The following TM7SF2 variants were observed in gnomAD, a reference collection of about 807,000 sequenced individuals.
The protein encoded by TM7SF2 is delta(14)-sterol reductase TM7SF2.
In TM7SF2, 51 loss-of-function variants were observed where a neutral mutation model predicts 51.0. The ratio of observed to expected loss-of-function variants is 1.00; its 90% CI spans 0.80 to 1.26. TM7SF2 has a LOEUF of 1.26. Ranked by LOEUF, TM7SF2 falls within the 50% of genes most tolerant of loss-of-function variation. The pLI is 0.00. For missense variants in TM7SF2, 541 were observed against 547.4 expected (o/e 0.99, Z 0.12); for synonymous variants, 255 against 241.0 (o/e 1.06, Z -0.54).
chr11:65,113,295 C>G lies in TM7SF2; in HGVS notation c.380C>G (p.Pro127Arg). 7 of 1,612,266 alleles carry G rather than the reference C, an allele frequency of 4.3e-6. No individual in the cohort carries two copies. The highest frequency in any genetic ancestry group is 5.9e-6 in the Non-Finnish European group (7 of 1,180,024). Reference sequence around the variant, plus strand: ...GCGGGGCTGCCTCTGGGGGCGCTCCCGGAAATGCTCCTGCCCTTGGCGTTT... The same window carrying G: ...GCGGGGCTGCCTCTGGGGGCGCTCCGGGAAATGCTCCTGCCCTTGGCGTTT... ...MSAGLPLGAL[P>R]EMLLPLAFVA... Residue 127 changes from proline (P) to arginine (R), a missense_variant, in exon 4 of 10, where the codon CCG becomes CGG. Coordinates refer to ENST00000279263, the MANE Select transcript of TM7SF2 (RefSeq NM_003273.6).
chr11:65,114,565 C>G lies in TM7SF2; in HGVS notation c.604-148C>G, dbSNP rs1440469834. ...GAAGAAACAGGCTGCGGGCACCTCCCTGTCCACAGTCTCTGTCCTTGGGTC... is the reference window on the plus strand; with the variant it reads ...GAAGAAACAGGCTGCGGGCACCTCCGTGTCCACAGTCTCTGTCCTTGGGTC... On this transcript the variant is annotated intron_variant, in intron 5 of 9. Transcript: ENST00000279263. 1.9e-5 allele frequency: 19 copies of G among 996,414 alleles called. No homozygotes were observed. The Admixed American group carries it at 5.3e-4, about 28-fold the overall frequency. 61.7% of individuals were successfully genotyped at this position (996,414 alleles called of 1,614,324 possible). A position where few individuals can be genotyped will look rare whatever the true frequency, so the allele number is the denominator to read the frequency against.
chr11:65,113,758 AAAAT>A (rs1947942751), intron 5 of TM7SF2, 164 bp downstream of exon 5: 3 of 657,914 alleles, frequency 4.6e-6, no homozygotes, highest in Non-Finnish European at 7.8e-6. Context: ...CTGGGAGACA[AAAAT>A]AAAGTTAGAG....
Position 65,111,970 on chromosome 11 carries a change from T to G in TM7SF2, c.-46T>G. The G allele has an allele frequency of 6.4e-7, 1 of 1,554,780 alleles. No homozygotes were observed. The highest frequency in any genetic ancestry group is 8.7e-7 in the Non-Finnish European group (1 of 1,147,036). On this transcript the variant is annotated 5_prime_UTR_variant, in exon 1 of 10. It removes the in-frame stop codon of an upstream open reading frame in the 5' UTR. Transcript: ENST00000279263. ...GGAAATGGGGCGGACAGTGTTTCCT[T>G]GACTGACTATTGTGAGCGCCCTCTC...
Position 65,112,701 on chromosome 11 carries a change from C to A in TM7SF2, c.239C>A (p.Pro80Gln). The part of the protein sequence containing the change: ...LGLQAALYLL[P>Q]ARKVAEGQEL... ...CTGCAGGCGGCGCTCTACCTACTGC[C>A]GGCGCGCAAGGTGCGGGCCCCGCTC... is the stretch of plus-strand genomic sequence containing the variant. The change falls in exon 2 of 10, where the codon CCG becomes CAG. Residue 80 changes from proline (P) to glutamine (Q), a missense_variant. Coordinates refer to ENST00000279263, the MANE Select transcript of TM7SF2 (RefSeq NM_003273.6). 6.5e-7 allele frequency: 1 copy of A among 1,545,094 alleles called. No homozygotes were observed. Among genetic ancestry groups the A allele is most frequent in the Non-Finnish European group, 8.7e-7 (1 of 1,145,652 alleles).
At position 65,113,416 on chromosome 11, in the gene TM7SF2, T is replaced by TA. The variant is rs1947937336; in HGVS notation, c.499+2_499+3insA. ...CCCTGGCACCTGGGGGGAACTCAGG[T>TA]GAGAGGGGTCCTGGGGTGGAGACGG... On this transcript the variant is annotated splice_region_variant and intron_variant, in intron 4 of 9. Coordinates refer to ENST00000279263, the MANE Select transcript of TM7SF2 (RefSeq NM_003273.6). 1 of 1,614,010 alleles carries TA rather than the reference T, an allele frequency of 6.2e-7. No homozygotes were observed. The highest frequency in any genetic ancestry group is 1.3e-5 in the African/African-American group (1 of 74,914).
At chr11:65,114,510 G>A (rs534002734) in intron 5 of TM7SF2, among the ~76,000 whole-genome samples, 11 of 152,370 alleles carry the variant, frequency 7.2e-5, no homozygotes, top group East Asian at 1.9e-4. Context: ...TGAAGCCTTA[G>A]CCCGAAAGGG....
chr11:65,114,868 G>A, intron 6 of TM7SF2, 36 bp downstream of exon 6: 3 of 1,614,192 alleles, frequency 1.9e-6, no homozygotes, highest in Non-Finnish European at 2.5e-6. Flanking sequence ...GTGTCTGAGG[G>A]CCGCATAGGG....
Position 65,115,591 on chromosome 11 carries a change from G to C in TM7SF2, c.1089G>C (p.Leu363Phe), listed in dbSNP as rs1476195842. 6.2e-7 allele frequency: 1 copy of C among 1,614,036 alleles called. No homozygotes were observed. Among genetic ancestry groups the C allele is most frequent in the Admixed American group, 1.7e-5 (1 of 60,022 alleles). ...GDLIMALAWS[L>F]PCGVSHLLPY... ...TCATCATGGCTCTGGCTTGGTCCTT[G>C]CCCTGCGGTGAGTGGCCCATGTGGA... The change falls in exon 9 of 10, where the codon TTG becomes TTC. Residue 363 changes from leucine to phenylalanine, a missense_variant. Coordinates refer to ENST00000279263, the MANE Select transcript of TM7SF2 (RefSeq NM_003273.6).
At position 65,113,511 on chromosome 11, in the gene TM7SF2, T is replaced by C. The variant is rs990420760; in HGVS notation, c.520T>C (p.Phe174Leu). 2 of 1,614,214 alleles carry C rather than the reference T, an allele frequency of 1.2e-6. No homozygotes were observed. The highest frequency in any genetic ancestry group is 1.7e-6 in the Non-Finnish European group (2 of 1,180,024). The change falls in exon 5 of 10, where the codon TTT (phenylalanine) becomes CTT (leucine). Residue 174 changes from phenylalanine (F) to leucine (L), a missense_variant. Physicochemically the swap from Phe to Leu is conservative, Grantham distance 22 (BLOSUM62 0). Coordinates refer to ENST00000279263, the MANE Select transcript of TM7SF2 (RefSeq NM_003273.6). ...GNSGNPIYDF[F>L]LGRELNPRIC... ...TCCAGGCAATCCGATTTACGACTTTTTTCTGGGACGAGAGCTCAACCCTCG... is the reference window on the plus strand; with the variant it reads ...TCCAGGCAATCCGATTTACGACTTTCTTCTGGGACGAGAGCTCAACCCTCG...
intron 7 of TM7SF2, 25 bp from the exon 8 acceptor site, chr11:65,115,289 C>T (rs1240181055): frequency 6.2e-7 from 1 of 1,612,192 alleles, no homozygotes; most frequent in Non-Finnish European, 8.5e-7. Context: ...TTGACCTTGA[C>T]CACCGGTTCA....
chr11:65,115,030 C>CA lies in TM7SF2; in HGVS notation c.842dup (p.His281GlnfsTer40). ...CCTGCAGGCCCAGTTCCTGCTGCAC[C>CA]ACCCGCAGCCCCTGGGGTTGCCCAT... On this transcript the variant is annotated frameshift_variant, in exon 7 of 10. Transcript: ENST00000279263. LOFTEE classifies it high-confidence loss of function. 6.2e-7 allele frequency: 1 copy of CA among 1,614,070 alleles called. No homozygotes were observed. The highest frequency in any genetic ancestry group is 1.3e-5 in the African/African-American group (1 of 75,052).
chr11:65,112,355 A>C, intron 1 of TM7SF2, 160 bp from the exon 2 acceptor site: 1 of 832,120 alleles, frequency 1.2e-6, no homozygotes, highest in Middle Eastern at 3.7e-4. Flanking sequence ...GGGAACTGGG[A>C]GGCAGCGGGG....
rs1023683629 is a variant in TM7SF2 at position 65,116,036 on chromosome 11, A to G, written c.1240A>G (p.Met414Val). The part of the protein sequence containing the change: ...EYCRRVPYRI[M>V]PYIY ...CTGCCGGCGTGTGCCTTACCGCATC[A>G]TGCCCTACATCTACTGAAGCGGCTC... Residue 414 changes from methionine (M) to valine (V), a missense_variant, in exon 10 of 10, where the codon ATG (methionine) becomes GTG (valine). Transcript: ENST00000279263. 4 of 1,608,354 alleles carry G rather than the reference A, an allele frequency of 2.5e-6. No homozygotes were observed. Among genetic ancestry groups the G allele is most frequent in the Non-Finnish European group, 3.4e-6 (4 of 1,179,392 alleles).
At chr11:65,113,844 T>C in intron 5 of TM7SF2, 1 of 544,346 alleles carries the variant, frequency 1.8e-6, no homozygotes, top group Non-Finnish European at 3.3e-6. Context: ...GTAAAATATA[T>C]ACAGCATGTC....
At chr11:65,113,804 C>T in intron 5 of TM7SF2, 2 of 596,952 alleles carry the variant, frequency 3.4e-6, no homozygotes. Context: ...AGAGAGCCTA[C>T]ATTCTGGTGG....
rs373299244 is a variant in TM7SF2 at position 65,116,009 on chromosome 11, T to G, written c.1213T>G (p.Tyr405Asp). The part of the protein sequence containing the change: ...LQKYGLAWQE[Y>D]CRRVPYRIMP... ...GAAGTACGGCCTGGCCTGGCAGGAG[T>G]ACTGCCGGCGTGTGCCTTACCGCAT... The change falls in exon 10 of 10, where the codon TAC becomes GAC. Residue 405 changes from tyrosine (Y) to aspartate (D), a missense_variant. Physicochemically the swap from Tyr to Asp is radical, Grantham distance 160. Coordinates refer to ENST00000279263, the MANE Select transcript of TM7SF2 (RefSeq NM_003273.6). The G allele has an allele frequency of 6.2e-7, 1 of 1,611,628 alleles. No individual in the cohort carries two copies. Among genetic ancestry groups the G allele is most frequent in the Non-Finnish European group, 8.5e-7 (1 of 1,179,880 alleles).
Position 65,113,550 on chromosome 11 carries a change from G to A in TM7SF2, c.559G>A (p.Asp187Asn). The A allele has an allele frequency of 6.2e-7, 1 of 1,614,050 alleles. No homozygotes were observed. The highest frequency in any genetic ancestry group is 2.2e-5 in the East Asian group (1 of 44,880). Residue 187 changes from aspartate to asparagine, a missense_variant, in exon 5 of 10, where the codon GAC becomes AAC. Coordinates refer to ENST00000279263, the MANE Select transcript of TM7SF2 (RefSeq NM_003273.6). ...RELNPRICFF[D>N]FKYFCELRPG... Reference sequence around the variant, plus strand: ...GCTCAACCCTCGTATCTGTTTCTTCGACTTCAAATATTTCTGTGAACTGCG... The same window carrying A: ...GCTCAACCCTCGTATCTGTTTCTTCAACTTCAAATATTTCTGTGAACTGCG...
At chr11:65,113,730 T>TC in intron 5 of TM7SF2, 136 bp downstream of exon 5, 1 of 782,154 alleles carries the variant, frequency 1.3e-6, no homozygotes, top group East Asian at 2.5e-5. Context: ...ATTTGTTCAA[T>TC]CCACCTGTGC....
Position 65,114,801 on chromosome 11 carries a change from T to C in TM7SF2, c.692T>C (p.Leu231Ser), listed in dbSNP as rs1333456934. The C allele has an allele frequency of 6.2e-7, 1 of 1,614,126 alleles. No individual in the cohort carries two copies. Among genetic ancestry groups the C allele is most frequent in the Non-Finnish European group, 8.5e-7 (1 of 1,180,046 alleles). Residue 231 changes from leucine (L) to serine (S), a missense_variant, in exon 6 of 10, where the codon TTG (leucine) becomes TCG (serine). Physicochemically the swap from Leu to Ser is moderately radical, Grantham distance 145 (BLOSUM62 -2). Transcript: ENST00000279263. ...ATGTGGCTGGTCAATGGCTTCCAGT[T>C]GCTCTACGTGGGTGATGCCCTCTGG... Reference protein sequence around the residue: ...LAMWLVNGFQLLYVGDALWHE... With the variant: ...LAMWLVNGFQSLYVGDALWHE...
Sources: allele counts gnomAD v4.1 joint callset (sites outside exome capture counted in the v4.1 genomes callset), GRCh38; gene constraint gnomAD v4.1.1; transcripts MANE v1.5; gene names NCBI Gene and HGNC (gene_info 2026-07-23, HGNC 2026-07-21).